Variants in ATXN1 observed in about 807,000 individuals in gnomAD.
ATXN1 encodes ataxin 1, also known as ataxin-1.
A neutral mutation model predicts 56.4 loss-of-function variants in ATXN1; 8 were observed. That is an observed-to-expected ratio of 0.14 (90% CI 0.08 to 0.26). The LOEUF is 0.26. ATXN1 is among the 10% of genes least tolerant of loss of function. ATXN1 has a pLI of 1.00. For missense variants in ATXN1, 987 were observed against 1,106.5 expected (o/e 0.89, Z 1.53); for synonymous variants, 514 against 494.6 (o/e 1.04, Z -0.52).
rs1457037535 is a variant in ATXN1, at chr6:16,543,566, G to A, written c.-360-20878C>T. 2.7e-5 allele frequency among the ~76,000 whole-genome samples: 4 copies of A among 146,726 alleles called. No homozygotes were observed. The East Asian group carries it at 6.1e-4, about 22-fold the overall frequency. ...AAATATGCCTTAAACCAGGGGATACGTGACCAATTTTATTCAGTAATTCTG... is the reference window on the plus strand; with the variant it reads ...AAATATGCCTTAAACCAGGGGATACATGACCAATTTTATTCAGTAATTCTG... On this transcript the variant is annotated intron_variant, in intron 4 of 7. Coordinates refer to ENST00000436367, the MANE Select transcript of ATXN1 (RefSeq NM_001128164.2).
chr6:16,362,866 A>C (rs1761839742), intron 6 of ATXN1, among the ~76,000 whole-genome samples: 1 of 152,222 alleles, frequency 6.6e-6, no homozygotes, highest in Non-Finnish European at 1.5e-5. Context: ...AGCAGTAGGA[A>C]TAATAACAGC....
At chr6:16,524,509 T>C (rs1048984702) in intron 4 of ATXN1, among the ~76,000 whole-genome samples, 1 of 152,278 alleles carries the variant, frequency 6.6e-6, no homozygotes. Flanking sequence ...GACCTCAGTC[T>C]GAGCCTCAGC....
intron 4 of ATXN1, 86 bp downstream of exon 4, chr6:16,585,694 A>T (rs1413903588): frequency 6.6e-6 from 1 of 152,246 alleles, no homozygotes; most frequent in Non-Finnish European, 1.5e-5. Context: ...TTGTGTGACC[A>T]GATATGTATA....
intron 6 of ATXN1, among the ~76,000 whole-genome samples, chr6:16,474,829 T>TGTGC (rs1442007641): frequency 7.0e-6 from 1 of 143,044 alleles, no homozygotes; most frequent in Middle Eastern, 3.2e-3. Context: ...AGCATATGTG[T>TGTGC]GTGCATACAC....
At chr6:16,346,797 T>C (rs907309330) in intron 6 of ATXN1, among the ~76,000 whole-genome samples, 2 of 152,198 alleles carry the variant, frequency 1.3e-5, no homozygotes, top group African/African-American at 4.8e-5. Flanking sequence ...TGAGGAGCCC[T>C]TCACCCCGCC....
intron 2 of ATXN1, among the ~76,000 whole-genome samples, chr6:16,704,428 G>T (rs1759362215): frequency 6.6e-6 from 1 of 152,112 alleles, no homozygotes; most frequent in Non-Finnish European, 1.5e-5. Flanking sequence ...AATCTGTACA[G>T]ATCAAAATCT....
rs1181535350 is a variant in ATXN1 at position 16,328,061 on chromosome 6, C to A, written c.250G>T (p.Gly84Trp). 2 of 1,613,324 alleles carry A rather than the reference C, an allele frequency of 1.2e-6. No homozygotes were observed. The highest frequency in any genetic ancestry group is 4.5e-5 in the East Asian group (2 of 44,858). The change falls in exon 7 of 8, where the codon GGG becomes TGG. Residue 84 changes from glycine (G) to tryptophan (W), a missense_variant. This residue lies in a region of ATXN1 where 723 missense variants were observed against 791.7 expected (regional missense o/e 0.91). Transcript: ENST00000436367. The surrounding 1 kb of genome is among the most constrained non-coding windows in gnomAD (Gnocchi z 6.2). ...GIGLHKALST[G>W]LDYSPPSAPR... ...GCGCTGGGCGGGGAGTAGTCCAGCC[C>A]TGTGGACAATGCTTTGTGTAAACCT...
rs553227187 is a variant in ATXN1, at chr6:16,657,077, A to G, written c.-489+699T>C. 1.5e-3 allele frequency among the ~76,000 whole-genome samples: 165 copies of G among 107,466 alleles called. 2 individuals carry two copies. The South Asian group carries it at 0.023, about 15-fold the overall frequency. 70.5% of individuals were successfully genotyped at this position (107,466 alleles called of 152,430 possible). ...CGGCTCACTGCAAGCTCTGCCTCCC[A>G]GGTTCACGCCATTCTGCTGCCTCAG... On this transcript the variant is annotated intron_variant, in intron 3 of 7. Coordinates refer to ENST00000436367, the MANE Select transcript of ATXN1 (RefSeq NM_001128164.2).
chr6:16,384,820 C>G (rs1416241375), intron 6 of ATXN1, among the ~76,000 whole-genome samples: 1 of 152,228 alleles, frequency 6.6e-6, no homozygotes. Context: ...TCCTGTACAG[C>G]CTGTGGAAAC....
chr6:16,342,865 G>A (rs1467764195), intron 6 of ATXN1, among the ~76,000 whole-genome samples: 3 of 152,222 alleles, frequency 2.0e-5, no homozygotes. Context: ...CAGGAGCTGG[G>A]AGGACGGGGC....
chr6:16,327,618 C>T lies in ATXN1; in HGVS notation c.693G>A (p.Pro231=), dbSNP rs533860019. 2.9e-5 allele frequency: 46 copies of T among 1,587,922 alleles called. No homozygotes were observed. Among genetic ancestry groups the T allele is most frequent in the South Asian group, 1.0e-4 (9 of 88,910 alleles). The change falls in exon 7 of 8, where the codon CCG becomes CCA. Residue 231 remains proline, a synonymous_variant. Coordinates refer to ENST00000436367, the MANE Select transcript of ATXN1 (RefSeq NM_001128164.2). ...GGGGGGACCCCGGGGTGATGAGCCC[C>T]GGAGCCCTGCTGAGGTGCTGCTGCT... ...QQQQQHLSRA[P]GLITPGSPPP...
intron 6 of ATXN1, among the ~76,000 whole-genome samples, chr6:16,476,146 T>A (rs900787385): frequency 4.6e-5 from 7 of 152,216 alleles, no homozygotes; most frequent in African/African-American, 1.7e-4. Context: ...GTGCTGGAAT[T>A]ACTGTGCCTG....
At chr6:16,733,690 A>T (rs1040707554) in intron 2 of ATXN1, among the ~76,000 whole-genome samples, 4 of 152,102 alleles carry the variant, frequency 2.6e-5, no homozygotes, top group East Asian at 1.9e-4. Context: ...TTGACTAAAA[A>T]TACAAAATTA....
chr6:16,329,873 A>C (rs962174302), intron 6 of ATXN1, among the ~76,000 whole-genome samples: 2 of 152,198 alleles, frequency 1.3e-5, no homozygotes, highest in Non-Finnish European at 2.9e-5. Context: ...TGCCCAACAG[A>C]CAAGAGGCCA....
At position 16,305,097 on chromosome 6, in the gene ATXN1, C is replaced by T. The variant is rs1760210075; in HGVS notation, c.*1232G>A. The T allele has an allele frequency of 6.6e-6, 1 of 152,550 alleles. No individual in the cohort carries two copies. Among genetic ancestry groups the T allele is most frequent in the Non-Finnish European group, 1.5e-5 (1 of 68,012 alleles). 9.4% of individuals were successfully genotyped at this position (152,550 alleles called of 1,614,324 possible). Reference sequence around the variant, plus strand: ...AGTTACAGTGTTGAAAAAAAGAAAGCAACTTAGTTTTTTTTGTTTTTGTTT... The same window carrying T: ...AGTTACAGTGTTGAAAAAAAGAAAGTAACTTAGTTTTTTTTGTTTTTGTTT... On this transcript the variant is annotated 3_prime_UTR_variant, in exon 8 of 8. Transcript: ENST00000436367.
intron 6 of ATXN1, among the ~76,000 whole-genome samples, chr6:16,363,400 A>G (rs1310100149): frequency 6.6e-6 from 1 of 152,260 alleles, no homozygotes; most frequent in African/African-American, 2.4e-5. Context: ...TTTGCTGACC[A>G]GGTTGTCCTG....
intron 4 of ATXN1, among the ~76,000 whole-genome samples, chr6:16,565,672 T>C (rs550895291): frequency 3.3e-5 from 5 of 152,364 alleles, no homozygotes; most frequent in South Asian, 4.1e-4. Flanking sequence ...CCTTTGCTAT[T>C]TGAACATTCC....
At chr6:16,722,552 T>C (rs1759765884) in intron 2 of ATXN1, among the ~76,000 whole-genome samples, 4 of 152,174 alleles carry the variant, frequency 2.6e-5, no homozygotes, top group Admixed American at 1.3e-4. Flanking sequence ...CACTGAACCA[T>C]CTCACTATCG....
intron 4 of ATXN1, among the ~76,000 whole-genome samples, chr6:16,524,779 G>A (rs531172171): frequency 4.6e-5 from 7 of 152,284 alleles, no homozygotes; most frequent in South Asian, 4.1e-4. Context: ...GTGACTGGGC[G>A]TGGTGGCTCA....
Sources: gnomAD v4.1 joint callset for allele counts (sites outside exome capture counted in the v4.1 genomes callset) on GRCh38, gnomAD v4.1.1 for gene constraint, gnomAD v4.1.1 regional missense constraint, Gnocchi (gnomAD v3.1) non-coding constraint, MANE v1.5 for transcripts, NCBI Gene and HGNC (gene_info 2026-07-23, HGNC 2026-07-21) for gene names.